ATP8A2: variants seen among roughly 807,000 people sequenced by gnomAD.
ATP8A2 encodes phospholipid-transporting ATPase IB.
A neutral mutation model predicts 165.6 loss-of-function variants in ATP8A2; 100 were observed. The ratio of observed to expected loss-of-function variants is 0.60; its 90% CI spans 0.51 to 0.71. ATP8A2 has a LOEUF of 0.71. Ranked by LOEUF, ATP8A2 falls within the 30% of genes least tolerant of loss-of-function variation. ATP8A2 has a pLI of 0.00. For synonymous variants in ATP8A2, 543 were observed against 548.8 expected (o/e 0.99, Z 0.15); for missense variants, 1,227 against 1,479.5 (o/e 0.83, Z 2.80).
chr13:25,637,270 T>C (rs1283595449), intron 24 of ATP8A2, among the ~76,000 whole-genome samples: 1 of 152,008 alleles, frequency 6.6e-6, no homozygotes, highest in East Asian at 1.9e-4. Context: ...TGCAGGACAG[T>C]GGGTGCAGCC....
At chr13:25,887,633 G>A (rs1466591434) in intron 33 of ATP8A2, among the ~76,000 whole-genome samples, 11 of 152,194 alleles carry the variant, frequency 7.2e-5, no homozygotes, top group African/African-American at 2.2e-4. Flanking sequence ...ACAGCGCCAG[G>A]CCCCTCAGTC....
intron 24 of ATP8A2, among the ~76,000 whole-genome samples, chr13:25,652,036 T>C (rs2208932): frequency 0.19 from 29,232 of 152,100 alleles, 3,471 homozygotes; most frequent in East Asian, 0.41. Flanking sequence ...CGACCTATGA[T>C]GTTAAGACTT....
intron 33 of ATP8A2, among the ~76,000 whole-genome samples, chr13:25,935,311 A>G (rs1458577076): frequency 6.6e-6 from 1 of 151,952 alleles, no homozygotes; most frequent in Non-Finnish European, 1.5e-5. Flanking sequence ...AAGCAAATAA[A>G]CTCTCCACCA....
chr13:25,658,774 A>T (rs2041987981), intron 24 of ATP8A2, among the ~76,000 whole-genome samples: 1 of 152,198 alleles, frequency 6.6e-6, no homozygotes, highest in South Asian at 2.1e-4. Flanking sequence ...TACTTCTCTG[A>T]ACTTTCCCCA....
At chr13:25,656,178 C>T (rs1593146443) in intron 24 of ATP8A2, among the ~76,000 whole-genome samples, 2 of 152,288 alleles carry the variant, frequency 1.3e-5, no homozygotes, top group East Asian at 3.9e-4. Context: ...TAGGTTTACA[C>T]ACGTAAATGC....
Position 25,943,601 on chromosome 13 carries a change from A to G in ATP8A2, c.3184-17974A>G, listed in dbSNP as rs571105837. On this transcript the variant is annotated intron_variant, in intron 33 of 36. Coordinates refer to ENST00000381655, the MANE Select transcript of ATP8A2 (RefSeq NM_016529.6). ...TGCTCCCACAACAACGCACTCACCT[A>G]ACTATGCATTTCCCAAAATGTGTCT... 2.7e-4 allele frequency among the ~76,000 whole-genome samples: 41 copies of G among 152,328 alleles called. No individual in the cohort carries two copies. The South Asian group carries it at 5.6e-3, about 21-fold the overall frequency.
At chr13:25,855,723 G>A (rs1277544911) in intron 30 of ATP8A2, among the ~76,000 whole-genome samples, 2 of 152,054 alleles carry the variant, frequency 1.3e-5, no homozygotes. Context: ...TGTACATAAC[G>A]CTCTGAGGAA....
At chr13:25,977,026 T>TCCACCCCCCCCCCCACCC (rs1555299943) in intron 35 of ATP8A2, among the ~76,000 whole-genome samples, 3 of 125,446 alleles carry the variant, frequency 2.4e-5, no homozygotes, top group Non-Finnish European at 3.3e-5. Context: ...GACCTTGTGA[T>TCCACCCCCCCCCCCACCC]CCACCCCCAC....
chr13:25,839,467 A>G (rs1304988127), intron 29 of ATP8A2, 79 bp from the exon 30 acceptor site: 2 of 964,116 alleles, frequency 2.1e-6, no homozygotes, highest in African/African-American at 1.6e-5. Context: ...GATCCTTCAC[A>G]ATGTGGCGTT....
chr13:25,592,451 C>T (rs951093857), intron 24 of ATP8A2, among the ~76,000 whole-genome samples: 3 of 152,144 alleles, frequency 2.0e-5, no homozygotes, highest in Non-Finnish European at 4.4e-5. Context: ...GCTACAGTAG[C>T]CATGAGGGGC....
chr13:25,984,318 T>C (rs1236754043), intron 35 of ATP8A2, among the ~76,000 whole-genome samples: 1 of 151,560 alleles, frequency 6.6e-6, no homozygotes, highest in African/African-American at 2.4e-5. Flanking sequence ...AGAGGGTAGG[T>C]TGGAGCTGGG....
chr13:25,867,899 C>G (rs1952558672), intron 33 of ATP8A2: 2 of 223,040 alleles, frequency 9.0e-6, no homozygotes, highest in South Asian at 1.0e-4. Context: ...AAAAGACAAA[C>G]AAAAACAAAA....
chr13:25,604,877 G>A (rs1224460668), intron 24 of ATP8A2, among the ~76,000 whole-genome samples: 6 of 152,162 alleles, frequency 3.9e-5, no homozygotes, highest in Non-Finnish European at 8.8e-5. Context: ...GTCCTTGTCC[G>A]TCTTTTGTGC....
chr13:25,700,632 T>C (rs943986243), intron 25 of ATP8A2, among the ~76,000 whole-genome samples: 1 of 152,242 alleles, frequency 6.6e-6, no homozygotes, highest in Non-Finnish European at 1.5e-5. Flanking sequence ...TTTTTACCCT[T>C]TTTGACTGTT....
intron 2 of ATP8A2, among the ~76,000 whole-genome samples, chr13:25,527,964 G>GT (rs879510664): frequency 2.0e-5 from 3 of 152,056 alleles, no homozygotes; most frequent in Non-Finnish European, 4.4e-5. Flanking sequence ...CTTTCTTTTT[G>GT]TTTTTTGCTG....
At chr13:25,910,794 T>G (rs1954083450) in intron 33 of ATP8A2, among the ~76,000 whole-genome samples, 1 of 152,310 alleles carries the variant, frequency 6.6e-6, no homozygotes, top group Non-Finnish European at 1.5e-5. Context: ...TAAAGAATTG[T>G]GCCCTTTCAA....
At chr13:25,481,741 T>A (rs2036209580) in intron 2 of ATP8A2, among the ~76,000 whole-genome samples, 1 of 152,118 alleles carries the variant, frequency 6.6e-6, no homozygotes, top group South Asian at 2.1e-4. Flanking sequence ...GTGCGGGCTC[T>A]CTCCTGGCTT....
intron 28 of ATP8A2, among the ~76,000 whole-genome samples, chr13:25,836,395 C>A (rs1223147573): frequency 6.6e-6 from 1 of 152,146 alleles, no homozygotes; most frequent in Non-Finnish European, 1.5e-5. Context: ...AGGGGTGCAT[C>A]TCTCATGGGA....
chr13:25,446,020 C>T (rs746804389), intron 1 of ATP8A2, among the ~76,000 whole-genome samples: 9 of 152,056 alleles, frequency 5.9e-5, no homozygotes, highest in South Asian at 2.1e-4. Flanking sequence ...TGATAGCGTG[C>T]GTGGAGTGTG....
Sources: gnomAD v4.1 joint callset for allele counts (sites outside exome capture counted in the v4.1 genomes callset) on GRCh38, gnomAD v4.1.1 for gene constraint, MANE v1.5 for transcripts, NCBI Gene and HGNC (gene_info 2026-07-23, HGNC 2026-07-21) for gene names.